IGF1R: variants seen among roughly 807,000 people sequenced by gnomAD.
IGF1R encodes insulin-like growth factor 1 receptor.
In IGF1R, 44 loss-of-function variants were observed where a neutral mutation model predicts 144.6. The ratio of observed to expected loss-of-function variants is 0.30; its 90% confidence interval spans 0.24 to 0.39. The LOEUF is 0.39. Ranked by LOEUF, IGF1R falls within the 10% of genes least tolerant of loss-of-function variation. The pLI is 1.00. For synonymous variants in IGF1R, 795 were observed against 722.8 expected (o/e 1.10, Z -1.60); for missense variants, 1,355 against 1,833.7 (o/e 0.74, Z 4.77).
rs538278757 is a variant in IGF1R, at chr15:98,675,005, A to G, written c.94+25330A>G. 3.0e-4 allele frequency among the ~76,000 whole-genome samples: 26 copies of G among 86,624 alleles called. No individual in the cohort carries two copies. The East Asian group carries it at 7.6e-3, about 25-fold the overall frequency. 56.8% of individuals were successfully genotyped at this position (86,624 alleles called of 152,430 possible). ...TTTTTTTTTTTTTTTTTTTTTTGAG[A>G]CAAAGTCTTGCTCTGTTGCCCAGGC... On this transcript the variant is annotated intron_variant, in intron 1 of 20. Coordinates refer to ENST00000650285, the MANE Select transcript of IGF1R (RefSeq NM_000875.5).
At chr15:98,882,861 G>A (rs1361245267) in intron 2 of IGF1R, among the ~76,000 whole-genome samples, 1 of 152,120 alleles carries the variant, frequency 6.6e-6, no homozygotes, top group Admixed American at 6.5e-5. Context: ...GAGCTTTCAG[G>A]CCTGCTATCT....
chr15:98,907,318 G>A lies in IGF1R; in HGVS notation c.1248-1367G>A, dbSNP rs1420468600. Among the ~76,000 whole-genome samples the A allele has an allele frequency of 3.9e-5, 6 of 152,352 alleles. No homozygotes were observed. The East Asian group carries it at 1.2e-3, about 29-fold the overall frequency. On this transcript the variant is annotated intron_variant, in intron 5 of 20. Coordinates refer to ENST00000650285, the MANE Select transcript of IGF1R (RefSeq NM_000875.5). ...GCTGGTTAGAGGTCCTGGTTTGGGT[G>A]TAAATGAAGACCCTCACCAGATGCA...
Position 98,899,508 on chromosome 15 carries a change from G to A in IGF1R, c.1134G>A (p.Met378Ile), listed in dbSNP as rs1254667412. The A allele has an allele frequency of 6.2e-7, 1 of 1,614,136 alleles. No individual in the cohort carries two copies. The highest frequency in any genetic ancestry group is 1.1e-5 in the South Asian group (1 of 91,082). Residue 378 changes from methionine to isoleucine, a missense_variant, in exon 5 of 21, where the codon ATG becomes ATA. Around this residue, in one of 7 missense-constraint regions of IGF1R, gnomAD observed 880 missense variants for 1,202.7 expected, o/e 0.73. Coordinates refer to ENST00000650285, the MANE Select transcript of IGF1R (RefSeq NM_000875.5). ...NNIASELENF[M>I]GLIEVVTGYV... ...TTGCTTCAGAGCTGGAGAACTTCATGGGGCTCATCGAGGTGGTGACGGGCT... is the reference window on the plus strand; with the variant it reads ...TTGCTTCAGAGCTGGAGAACTTCATAGGGCTCATCGAGGTGGTGACGGGCT...
intron 19 of IGF1R, among the ~76,000 whole-genome samples, chr15:98,948,148 C>T (rs2016626556): frequency 6.6e-6 from 1 of 152,170 alleles, no homozygotes; most frequent in African/African-American, 2.4e-5. Context: ...TCATTTGAGG[C>T]TACTAAGTCA....
intron 2 of IGF1R, among the ~76,000 whole-genome samples, chr15:98,728,713 T>C (rs2054425280): frequency 6.6e-6 from 1 of 152,232 alleles, no homozygotes; most frequent in Non-Finnish European, 1.5e-5. Flanking sequence ...GGGAGTGCAT[T>C]CTGCACTCTC....
chr15:98,790,827 A>G (rs2056111872), intron 2 of IGF1R, among the ~76,000 whole-genome samples: 1 of 152,220 alleles, frequency 6.6e-6, no homozygotes, highest in Admixed American at 6.5e-5. Context: ...CTAAACACAC[A>G]TTCATTTAGG....
chr15:98,950,065 C>A (rs2016715341), intron 20 of IGF1R, among the ~76,000 whole-genome samples: 2 of 152,186 alleles, frequency 1.3e-5, no homozygotes, highest in Admixed American at 1.3e-4. Context: ...CCACTAGTAT[C>A]TCAAGACCAA....
intron 2 of IGF1R, among the ~76,000 whole-genome samples, chr15:98,758,118 T>G (rs1339393621): frequency 6.6e-6 from 1 of 152,210 alleles, no homozygotes; most frequent in African/African-American, 2.4e-5. Context: ...TTCCTTGCTC[T>G]TGGGCGCTCG....
At position 98,915,088 on chromosome 15, in the gene IGF1R, T is replaced by G. The variant is rs958132539; in HGVS notation, c.1829-876T>G. Among the ~76,000 whole-genome samples the G allele has an allele frequency of 2.6e-5, 4 of 152,198 alleles. No homozygotes were observed. In the East Asian group the frequency reaches 5.8e-4, roughly 22 times the overall value. ...AACATATTGCTTAAGTGATATCCAG[T>G]GAAGGTGTCTCCTGTGCTTTGAAAA... On this transcript the variant is annotated intron_variant, in intron 8 of 20. Coordinates refer to ENST00000650285, the MANE Select transcript of IGF1R (RefSeq NM_000875.5).
intron 4 of IGF1R, chr15:98,897,159 G>T: frequency 2.0e-6 from 1 of 503,022 alleles, no homozygotes; most frequent in Non-Finnish European, 3.6e-6. Context: ...CTTTTTGTTA[G>T]TCACATCTTG....
chr15:98,779,276 T>G (rs1433672872), intron 2 of IGF1R, among the ~76,000 whole-genome samples: 1 of 152,254 alleles, frequency 6.6e-6, no homozygotes, highest in African/African-American at 2.4e-5. Context: ...TCATGTTTCA[T>G]GATGACTTTA....
chr15:98,682,153 T>C (rs1012268501), intron 1 of IGF1R, among the ~76,000 whole-genome samples: 4 of 152,196 alleles, frequency 2.6e-5, no homozygotes, highest in Admixed American at 2.0e-4. Context: ...TCACAGGAAG[T>C]GTTCAGTGGT....
intron 2 of IGF1R, among the ~76,000 whole-genome samples, chr15:98,827,070 G>A (rs1159428888): frequency 2.0e-5 from 3 of 152,116 alleles, no homozygotes; most frequent in East Asian, 1.9e-4. Context: ...TTTGAGTACC[G>A]AGAATAAACC....
In IGF1R at chr15:98,659,245, T is replaced by A. The variant is rs537994214; in HGVS notation, c.94+9570T>A. 1.1e-4 allele frequency among the ~76,000 whole-genome samples: 16 copies of A among 152,324 alleles called. No homozygotes were observed. The South Asian group carries it at 3.3e-3, about 32-fold the overall frequency. ...TGCTTATTAAACAGTTGTGATTTTT[T>A]TTTTCAGTAAACGATGGTCATCCCC... On this transcript the variant is annotated intron_variant, in intron 1 of 20. Transcript: ENST00000650285.
Position 98,916,697 on chromosome 15 carries a change from C to A in IGF1R, c.2022C>A (p.Ala674=), listed in dbSNP as rs1341089283. 1 of 1,613,872 alleles carries A rather than the reference C, an allele frequency of 6.2e-7. No individual in the cohort carries two copies. The highest frequency in any genetic ancestry group is 1.3e-5 in the African/African-American group (1 of 74,862). ...ACAAAATCCCCATCAGGAAGTATGC[C>A]GACGGCACCATCGACATTGAGGAGG... ...SKDKIPIRKY[A]DGTIDIEEVT... The change falls in exon 10 of 21, where the codon GCC becomes GCA. Residue 674 remains alanine, a synonymous_variant. Transcript: ENST00000650285.
chr15:98,773,846 G>C lies in IGF1R; in HGVS notation c.640+65739G>C, dbSNP rs147133133. On this transcript the variant is annotated intron_variant, in intron 2 of 20. Transcript: ENST00000650285. The stretch of plus-strand genomic sequence containing the variant: ...GGTGTCTGACGACATCTTGTGATCC[G>C]GGGGGAAGCCAGCCTAAGGACAAAG... Among the ~76,000 whole-genome samples the C allele has an allele frequency of 3.1e-4, 47 of 152,140 alleles. 2 individuals carry two copies. The highest frequency in any genetic ancestry group is 5.9e-5 in the Non-Finnish European group (4 of 68,026).
chr15:98,946,193 C>T (rs919588924), intron 19 of IGF1R, among the ~76,000 whole-genome samples: 5 of 62,912 alleles, frequency 7.9e-5, no homozygotes, highest in Admixed American at 7.4e-4. Flanking sequence ...CACTAGGAAG[C>T]GGGGCGGGGC....
At chr15:98,667,230 G>A (rs1403196499) in intron 1 of IGF1R, among the ~76,000 whole-genome samples, 6 of 152,156 alleles carry the variant, frequency 3.9e-5, no homozygotes, top group Non-Finnish European at 8.8e-5. Flanking sequence ...GCCATGTGAC[G>A]TGTAATTGCT....
chr15:98,922,000 C>A, intron 10 of IGF1R, 148 bp from the exon 11 acceptor site: 1 of 765,612 alleles, frequency 1.3e-6, no homozygotes, highest in Non-Finnish European at 2.2e-6. Flanking sequence ...GGAAGGACAT[C>A]CCTGTGTTAT....
Sources: gnomAD v4.1 joint callset for allele counts (sites outside exome capture counted in the v4.1 genomes callset) on GRCh38, gnomAD v4.1.1 for gene constraint, gnomAD v4.1.1 regional missense constraint, MANE v1.5 for transcripts, NCBI Gene and HGNC (gene_info 2026-07-23, HGNC 2026-07-21) for gene names.